Variants in GASK1A observed in about 807,000 individuals in gnomAD.
GASK1A encodes golgi associated kinase 1A.
In GASK1A, 40 loss-of-function variants were observed where a neutral mutation model predicts 41.2. The observed-to-expected ratio is 0.97, with a 90% confidence interval of 0.75 to 1.27. The LOEUF is 1.27. Ranked by LOEUF, GASK1A falls within the 50% of genes most tolerant of loss-of-function variation. The pLI, the probability that GASK1A is intolerant of heterozygous loss-of-function variation, is 0.00. For missense variants in GASK1A, 678 were observed against 745.1 expected (o/e 0.91, Z 1.05); for synonymous variants, 316 against 307.1 (o/e 1.03, Z -0.30).
chr3:43,035,120 T>C (rs2089598273), intron 2 of GASK1A, among the ~76,000 whole-genome samples: 1 of 152,104 alleles, frequency 6.6e-6, no homozygotes, highest in Admixed American at 6.5e-5. Flanking sequence ...CCAGGCCACT[T>C]CCCACTGTGT....
At chr3:42,990,153 T>G (rs1415222365) in intron 1 of GASK1A, among the ~76,000 whole-genome samples, 5 of 151,888 alleles carry the variant, frequency 3.3e-5, no homozygotes, top group African/African-American at 1.2e-4. Flanking sequence ...CATAGACTTT[T>G]GTCTATGTTG....
In GASK1A at chr3:43,032,722, C is replaced by T. The variant is rs1259184077; in HGVS notation, c.459C>T (p.His153=). 1 of 1,551,522 alleles carries T rather than the reference C, an allele frequency of 6.4e-7. No homozygotes were observed. The highest frequency in any genetic ancestry group is 8.7e-7 in the Non-Finnish European group (1 of 1,147,002). Residue 153 remains histidine (H), a synonymous_variant, in exon 2 of 5, where the codon CAC becomes CAT. Coordinates refer to ENST00000430121, the MANE Select transcript of GASK1A (RefSeq NM_001129908.3). ...VGDPGTKDLG[H]PQHGSPIQET... ...ATCCAGGAACCAAAGACCTGGGCCA[C>T]CCCCAGCATGGCAGTCCCATCCAGG... is the stretch of plus-strand genomic sequence containing the variant.
In GASK1A at chr3:42,984,410, A is replaced by T. The variant is rs1430046047; in HGVS notation, c.3+4765A>T. On this transcript the variant is annotated intron_variant, in intron 1 of 4. Coordinates refer to ENST00000430121, the MANE Select transcript of GASK1A (RefSeq NM_001129908.3). The surrounding 1 kb of genome is among the most constrained non-coding windows in gnomAD (Gnocchi z 4.2). The stretch of plus-strand genomic sequence containing the variant: ...CGCACACACACACTCACGCATGCAC[A>T]CATACTCTTGGGAGTGGCCTGGGAT... Among the ~76,000 whole-genome samples, 2 of 152,168 alleles carry T rather than the reference A, an allele frequency of 1.3e-5. No individual in the cohort carries two copies. Among genetic ancestry groups the T allele is most frequent in the Non-Finnish European group, 2.9e-5 (2 of 68,026 alleles).
At chr3:43,045,057 G>A (rs2089655715) in intron 2 of GASK1A, among the ~76,000 whole-genome samples, 1 of 152,128 alleles carries the variant, frequency 6.6e-6, no homozygotes. Context: ...TGAGGATGTG[G>A]GTGTAGAAAG....
intron 1 of GASK1A, among the ~76,000 whole-genome samples, chr3:43,005,134 C>T (rs938491652): frequency 1.6e-4 from 24 of 152,186 alleles, no homozygotes; most frequent in Non-Finnish European, 2.8e-4. Flanking sequence ...CTTGTGATTA[C>T]ATCGGGCCCA....
At chr3:43,006,876 T>C (rs1255897898) in intron 1 of GASK1A, among the ~76,000 whole-genome samples, 3 of 152,198 alleles carry the variant, frequency 2.0e-5, no homozygotes, top group South Asian at 2.1e-4. Context: ...GCTGCATAAA[T>C]TGAATTCAGG....
chr3:42,988,806 T>C (rs1354395791), intron 1 of GASK1A, among the ~76,000 whole-genome samples: 1 of 152,228 alleles, frequency 6.6e-6, no homozygotes, highest in Non-Finnish European at 1.5e-5. Context: ...CTTCACATGC[T>C]CCAGGGCTGT....
At chr3:43,002,588 G>A (rs1559398707) in intron 1 of GASK1A, among the ~76,000 whole-genome samples, 1 of 152,124 alleles carries the variant, frequency 6.6e-6, no homozygotes, top group Admixed American at 6.5e-5. Context: ...AATGTAGCTG[G>A]TCTGAATTGA....
At chr3:43,034,740 A>G (rs2089596643) in intron 2 of GASK1A, among the ~76,000 whole-genome samples, 1 of 152,192 alleles carries the variant, frequency 6.6e-6, no homozygotes, top group South Asian at 2.1e-4. Flanking sequence ...GATTTACCAT[A>G]AAAACCCAGC....
At chr3:43,014,497 A>G (rs1250132674) in intron 1 of GASK1A, among the ~76,000 whole-genome samples, 1 of 149,250 alleles carries the variant, frequency 6.7e-6, no homozygotes, top group Non-Finnish European at 1.5e-5. Flanking sequence ...TGTGAAGCCA[A>G]AAGGAGGGGC....
At chr3:42,989,219 G>A (rs902643810) in intron 1 of GASK1A, among the ~76,000 whole-genome samples, 4 of 152,160 alleles carry the variant, frequency 2.6e-5, no homozygotes, top group African/African-American at 9.7e-5. Context: ...AGGGGGAGAG[G>A]GTTGCAGGGA....
intron 4 of GASK1A, 139 bp downstream of exon 4, chr3:43,055,674 G>A (rs1488961175): frequency 3.0e-6 from 2 of 655,978 alleles, no homozygotes; most frequent in African/African-American, 1.8e-5. Context: ...ACTTTAGGCG[G>A]TGGTGGGGAG....
At chr3:43,008,520 G>A (rs1324325174) in intron 1 of GASK1A, among the ~76,000 whole-genome samples, 1 of 152,220 alleles carries the variant, frequency 6.6e-6, no homozygotes, top group Non-Finnish European at 1.5e-5. Context: ...CTATCTGATA[G>A]ACTCACTGAA....
intron 1 of GASK1A, among the ~76,000 whole-genome samples, chr3:42,988,998 G>A (rs1387268739): frequency 2.0e-5 from 3 of 152,214 alleles, no homozygotes; most frequent in African/African-American, 4.8e-5. Flanking sequence ...AAAAGTAACT[G>A]TAGTGCTGTT....
intron 2 of GASK1A, among the ~76,000 whole-genome samples, chr3:43,053,002 T>G (rs752499845): frequency 6.6e-5 from 10 of 152,206 alleles, no homozygotes. Flanking sequence ...TCCTCAGAAC[T>G]GACTGCACAC....
chr3:43,022,812 G>A (rs1208266935), intron 1 of GASK1A, among the ~76,000 whole-genome samples: 3 of 152,184 alleles, frequency 2.0e-5, no homozygotes, highest in African/African-American at 7.2e-5. Flanking sequence ...TGGATGTTCA[G>A]TGCAATATTG....
At chr3:42,991,393 A>G (rs376797682) in intron 1 of GASK1A, among the ~76,000 whole-genome samples, 5 of 152,088 alleles carry the variant, frequency 3.3e-5, no homozygotes, top group African/African-American at 1.2e-4. Flanking sequence ...TACCCACTCC[A>G]TGCACTTAGA....
At position 42,999,625 on chromosome 3, in the gene GASK1A, G is replaced by A. The variant is rs752742723; in HGVS notation, c.3+19980G>A. ...AAAGGCATCTTAAAGAGGTCATGCC[G>A]CCAATCTCTGCAGCAGCCAGTATAG... On this transcript the variant is annotated intron_variant, in intron 1 of 4. Coordinates refer to ENST00000430121, the MANE Select transcript of GASK1A (RefSeq NM_001129908.3). 1.3e-4 allele frequency among the ~76,000 whole-genome samples: 20 copies of A among 152,296 alleles called. 1 individual carries two copies. The highest frequency in any genetic ancestry group is 6.8e-3 in the Middle Eastern group (2 of 294).
chr3:43,044,434 C>T (rs1030628320), intron 2 of GASK1A, among the ~76,000 whole-genome samples: 1 of 152,176 alleles, frequency 6.6e-6, no homozygotes, highest in African/African-American at 2.4e-5. Context: ...GGCCTGTCCC[C>T]TCCAGGGCCA....
Sources: allele counts gnomAD v4.1 joint callset (sites outside exome capture counted in the v4.1 genomes callset), GRCh38; gene constraint gnomAD v4.1.1; non-coding constraint Gnocchi (gnomAD v3.1); transcripts MANE v1.5; gene names NCBI Gene and HGNC (gene_info 2026-07-23, HGNC 2026-07-21).